Variants in FHIT observed in about 807,000 individuals in gnomAD.
The protein encoded by FHIT is fragile histidine triad diadenosine triphosphatase.
A neutral mutation model predicts 17.9 loss-of-function variants in FHIT; 19 were observed. The ratio of observed to expected loss-of-function variants is 1.06; its 90% CI spans 0.74 to 1.56. The LOEUF is 1.56. Ranked by LOEUF, FHIT falls within the 40% of genes most tolerant of loss-of-function variation. The pLI is 0.00. For synonymous variants in FHIT, 81 were observed against 69.7 expected, an observed-to-expected ratio of 1.16 and a Z score of -0.81; for missense variants, 248 against 189.2, an observed-to-expected ratio of 1.31 and a Z score of -1.82.
At chr3:60,806,275 A>G (rs781977151) in intron 4 of FHIT, among the ~76,000 whole-genome samples, 1 of 152,190 alleles carries the variant, frequency 6.6e-6, no homozygotes, top group Non-Finnish European at 1.5e-5. Context: ...GTCTCCTGTT[A>G]AAGCCATTGC....
chr3:60,949,619 C>T (rs1047462534), intron 3 of FHIT, among the ~76,000 whole-genome samples: 12 of 152,220 alleles, frequency 7.9e-5, no homozygotes, highest in East Asian at 1.9e-4. Context: ...ATTGTTTCTC[C>T]GGCTTTGCCC....
chr3:59,830,916 C>T (rs1408194466), intron 8 of FHIT, among the ~76,000 whole-genome samples: 6 of 152,144 alleles, frequency 3.9e-5, no homozygotes, highest in Admixed American at 3.9e-4. Context: ...AGTATGACTG[C>T]TTTTGTCTGA....
chr3:60,928,586 T>A (rs1360842691), intron 3 of FHIT, among the ~76,000 whole-genome samples: 1 of 150,526 alleles, frequency 6.6e-6, no homozygotes, highest in East Asian at 1.9e-4. Context: ...ATCCTATTTT[T>A]AAATGCTAAA....
chr3:60,733,188 C>T (rs960691814), intron 4 of FHIT, among the ~76,000 whole-genome samples: 9 of 152,140 alleles, frequency 5.9e-5, no homozygotes, highest in South Asian at 2.1e-4. Flanking sequence ...GTGAAGACTG[C>T]GACAAACCAC....
chr3:60,762,879 T>C (rs1553720385), intron 4 of FHIT, among the ~76,000 whole-genome samples: 3 of 152,184 alleles, frequency 2.0e-5, no homozygotes, highest in African/African-American at 7.2e-5. Flanking sequence ...GTATTTATTG[T>C]GTTGGCCTAA....
chr3:60,758,741 T>C (rs2108048221), intron 4 of FHIT, among the ~76,000 whole-genome samples: 1 of 152,338 alleles, frequency 6.6e-6, no homozygotes, highest in South Asian at 2.1e-4. Context: ...CACTATTTTA[T>C]GAACTAGACA....
intron 5 of FHIT, among the ~76,000 whole-genome samples, chr3:60,082,058 T>A (rs1703309081): frequency 6.6e-6 from 1 of 152,082 alleles, no homozygotes; most frequent in Admixed American, 6.6e-5. Flanking sequence ...TGGGGTATGA[T>A]TAATACCATC....
At chr3:60,495,336 G>A (rs1404930832) in intron 5 of FHIT, among the ~76,000 whole-genome samples, 1 of 152,014 alleles carries the variant, frequency 6.6e-6, no homozygotes. Context: ...TCTTCTTTAA[G>A]GGAATACTCT....
At chr3:59,955,289 C>T (rs1707336242) in intron 7 of FHIT, among the ~76,000 whole-genome samples, 1 of 152,194 alleles carries the variant, frequency 6.6e-6, no homozygotes, top group Admixed American at 6.5e-5. Context: ...CCCCAAAACA[C>T]CCCGGCACCG....
At chr3:59,792,761 A>C (rs567120110) in intron 8 of FHIT, among the ~76,000 whole-genome samples, 2 of 152,224 alleles carry the variant, frequency 1.3e-5, no homozygotes, top group African/African-American at 4.8e-5. Context: ...TTCATTAGGT[A>C]GGAATGAACA....
intron 3 of FHIT, among the ~76,000 whole-genome samples, chr3:60,831,703 A>G (rs1367505911): frequency 1.3e-5 from 2 of 152,088 alleles, no homozygotes; most frequent in Non-Finnish European, 2.9e-5. Context: ...CTAACAACCT[A>G]TGAGGGAGAC....
intron 8 of FHIT, among the ~76,000 whole-genome samples, chr3:59,903,228 A>C (rs1225518686): frequency 6.6e-6 from 1 of 152,220 alleles, no homozygotes; most frequent in South Asian, 2.1e-4. Context: ...TGAAATGTCC[A>C]TAACAGGCAA....
At chr3:60,545,531 A>C (rs1346387337) in intron 4 of FHIT, among the ~76,000 whole-genome samples, 2 of 152,144 alleles carry the variant, frequency 1.3e-5, no homozygotes, top group African/African-American at 2.4e-5. Flanking sequence ...CATTAGCTCT[A>C]TCTCTCACCT....
chr3:60,473,889 C>T (rs1473865250), intron 5 of FHIT, among the ~76,000 whole-genome samples: 1 of 151,694 alleles, frequency 6.6e-6, no homozygotes, highest in East Asian at 1.9e-4. Context: ...CGCCATTGCA[C>T]TCTGGCCTGG....
At chr3:59,962,310 C>T (rs1334902199) in intron 7 of FHIT, among the ~76,000 whole-genome samples, 1 of 152,096 alleles carries the variant, frequency 6.6e-6, no homozygotes, top group Non-Finnish European at 1.5e-5. Context: ...CTTTATACTG[C>T]CTGTTCTCAG....
chr3:60,738,623 G>A (rs1553713181), intron 4 of FHIT, among the ~76,000 whole-genome samples: 1 of 152,218 alleles, frequency 6.6e-6, no homozygotes, highest in Non-Finnish European at 1.5e-5. Context: ...ATTGGTTCAA[G>A]TTCTCGATCT....
At chr3:60,256,104 A>T (rs904199446) in intron 5 of FHIT, among the ~76,000 whole-genome samples, 6 of 152,192 alleles carry the variant, frequency 3.9e-5, no homozygotes, top group Non-Finnish European at 7.4e-5. Context: ...ACCTCCATTG[A>T]TCTTACCAGT....
At chr3:60,686,653 C>A (rs149471040) in intron 4 of FHIT, among the ~76,000 whole-genome samples, 77 of 152,182 alleles carry the variant, frequency 5.1e-4, no homozygotes, top group African/African-American at 1.8e-3. Flanking sequence ...CAAAGGTCAG[C>A]CAGAGATTTG....
intron 4 of FHIT, among the ~76,000 whole-genome samples, chr3:60,561,336 C>T (rs760873834): frequency 1.3e-5 from 2 of 152,130 alleles, no homozygotes; most frequent in African/African-American, 4.8e-5. Context: ...GACCCCAAGA[C>T]ACACTCAACA....
Sources: allele counts gnomAD v4.1 joint callset (sites outside exome capture counted in the v4.1 genomes callset), GRCh38; gene constraint gnomAD v4.1.1; transcripts MANE v1.5; gene names NCBI Gene and HGNC (gene_info 2026-07-23, HGNC 2026-07-21).